Variants in CD8A observed in about 807,000 individuals in gnomAD.
The protein encoded by CD8A is CD8 subunit alpha.
In CD8A, 25 loss-of-function variants were observed where a neutral mutation model predicts 24.2. The observed-to-expected ratio is 1.03, with a 90% CI of 0.75 to 1.44. The LOEUF (loss-of-function observed/expected upper bound fraction) is 1.44. Ranked by LOEUF, CD8A falls within the 40% of genes most tolerant of loss-of-function variation. The pLI is 0.00. For missense variants in CD8A, 360 were observed against 319.7 expected (o/e 1.13, Z -0.96); for synonymous variants, 165 against 149.9 (o/e 1.10, Z -0.74).
At chr2:86,797,307 C>A (rs1421308753) in intron 3 of CD8A, among the ~76,000 whole-genome samples, 1 of 151,984 alleles carries the variant, frequency 6.6e-6, no homozygotes, top group Non-Finnish European at 1.5e-5. Flanking sequence ...GTATATGGAA[C>A]CTTCAGGGAA....
At chr2:86,789,117 C>A (rs998785528) in intron 4 of CD8A, among the ~76,000 whole-genome samples, 3 of 152,212 alleles carry the variant, frequency 2.0e-5, no homozygotes, top group African/African-American at 7.2e-5. Context: ...GGCTTTGTCT[C>A]CCAAAACCTC....
At chr2:86,808,156 GAC>G (rs1331342761) in exon 1 of CD8A, 1 of 152,366 alleles carries the variant, frequency 6.6e-6, no homozygotes, top group Non-Finnish European at 1.5e-5. Context: ...GGAGACGGCC[GAC>G]ACGTTTCCCA....
rs1558734938 is a variant in CD8A at position 86,789,435 on chromosome 2, T to C, written c.515-2A>G. On this transcript the variant is annotated splice_acceptor_variant, in intron 3 of 5. Coordinates refer to ENST00000283635, the MANE Select transcript of CD8A (RefSeq NM_001768.7). LOFTEE classifies it high-confidence loss of function. Reference sequence around the variant, plus strand: ...CGAAGTCCAGCCCCCTCGTGTGCACTGACGACACCAAAGACGCCGACATTT... The same window carrying C: ...CGAAGTCCAGCCCCCTCGTGTGCACCGACGACACCAAAGACGCCGACATTT... 1 of 1,608,544 alleles carries C rather than the reference T, an allele frequency of 6.2e-7. No homozygotes were observed. The highest frequency in any genetic ancestry group is 1.1e-5 in the South Asian group (1 of 90,970).
intron 2 of CD8A, among the ~76,000 whole-genome samples, chr2:86,807,171 A>AAAAT (rs1558741676): frequency 9.2e-5 from 14 of 151,454 alleles, no homozygotes; most frequent in African/African-American, 1.2e-4. Context: ...TAAAATAAAA[A>AAAAT]AAAAAGCCAG....
At chr2:86,787,661 T>C (rs1001729504) in intron 5 of CD8A, among the ~76,000 whole-genome samples, 1 of 152,212 alleles carries the variant, frequency 6.6e-6, no homozygotes, top group African/African-American at 2.4e-5. Context: ...TAACGTGCGT[T>C]GTAGGCTTTC....
rs752636744 is a variant in CD8A, at chr2:86,790,671, C to T, written c.60G>A (p.Arg20=). 6.3e-7 allele frequency: 1 copy of T among 1,597,642 alleles called. No individual in the cohort carries two copies. The highest frequency in any genetic ancestry group is 1.1e-5 in the South Asian group (1 of 90,824). Residue 20 remains arginine (R), a synonymous_variant, in exon 2 of 6, where the codon AGG becomes AGA. Transcript: ENST00000283635. The part of the protein sequence containing the change: ...LPLALLLHAA[R]PSQFRVSPLD... Reference sequence around the variant, plus strand: ...GCGGCGACACCCGGAACTGGCTCGGCCTGGCGGCGTCTGCAGGCGGCAAGC... The same window carrying T: ...GCGGCGACACCCGGAACTGGCTCGGTCTGGCGGCGTCTGCAGGCGGCAAGC...
intron 1 of CD8A, chr2:86,807,996 T>C (rs969275567): frequency 6.6e-6 from 1 of 152,258 alleles, no homozygotes; most frequent in African/African-American, 2.4e-5. Flanking sequence ...AGTAAGGCGG[T>C]GGATCTTGCA....
chr2:86,803,719 T>C (rs949995770), intron 2 of CD8A, among the ~76,000 whole-genome samples: 2 of 152,224 alleles, frequency 1.3e-5, no homozygotes, highest in African/African-American at 4.8e-5. Flanking sequence ...ACCTGGCTAA[T>C]TGTATTTTTA....
upstream of CD8A, among the ~76,000 whole-genome samples, chr2:86,795,237 C>T (rs2104449742): frequency 6.6e-6 from 1 of 152,312 alleles, no homozygotes; most frequent in South Asian, 2.1e-4. Context: ...GAAATTCTTG[C>T]TCAGTAAAAG....
Position 86,789,745 on chromosome 2 carries a change from G to A in CD8A, c.409C>T (p.Pro137Ser). 5 of 1,359,890 alleles carry A rather than the reference G, an allele frequency of 3.7e-6. No homozygotes were observed. Among genetic ancestry groups the A allele is most frequent in the Non-Finnish European group, 3.8e-6 (4 of 1,063,858 alleles). The allele number at this position is 1,359,890 out of a possible 1,614,324, so 84.2% of individuals were successfully genotyped here. Residue 137 changes from proline to serine, a missense_variant, in exon 3 of 6, where the codon CCC becomes TCC. Transcript: ENST00000283635. ...GGTCGCGGCGCTGGCGTCGTGGTGG[G>A]CTTCGCTGCAAGAGCAACAGAGCGT... Reference protein sequence around the residue: ...HFVPVFLPAKPTTTPAPRPPT... With the variant: ...HFVPVFLPAKSTTTPAPRPPT...
At chr2:86,793,018 C>A (rs1027955026), upstream of CD8A, among the ~76,000 whole-genome samples, 1 of 152,194 alleles carries the variant, frequency 6.6e-6, no homozygotes, top group Non-Finnish European at 1.5e-5. Context: ...CTGCTCCCCA[C>A]AGAAAACCAC....
intron 3 of CD8A, among the ~76,000 whole-genome samples, chr2:86,798,471 G>A (rs570114522): frequency 9.3e-5 from 14 of 150,950 alleles, no homozygotes; most frequent in Admixed American, 7.9e-4. Context: ...CACTGTGCCC[G>A]GCCAGAAACA....
At position 86,785,695 on chromosome 2, in the gene CD8A, G is replaced by A. The variant is rs1162884254; in HGVS notation, c.*225C>T. 4 of 700,222 alleles carry A rather than the reference G, an allele frequency of 5.7e-6. No homozygotes were observed. The highest frequency in any genetic ancestry group is 2.7e-5 in the East Asian group (1 of 37,106). The allele number at this position is 700,222 out of a possible 1,614,324, so 43.4% of individuals were successfully genotyped here. On this transcript the variant is annotated 3_prime_UTR_variant, in exon 6 of 6. Coordinates refer to ENST00000283635, the MANE Select transcript of CD8A (RefSeq NM_001768.7). The stretch of plus-strand genomic sequence containing the variant: ...CTTTCCACGCCCTACCGCGATGTGC[G>A]CACAACAGTATTGTGACCCTTGTGG...
At chr2:86,790,726 C>T in intron 1 of CD8A, 45 bp from the exon 2 acceptor site, 1 of 1,516,146 alleles carries the variant, frequency 6.6e-7, no homozygotes, top group South Asian at 1.2e-5. Context: ...TCCCGCGCCC[C>T]CCGCCCCCCG....
Position 86,789,735 on chromosome 2 carries a change from G to A in CD8A, c.419C>T (p.Thr140Met). The change falls in exon 3 of 6, where the codon ACG becomes ATG. Residue 140 changes from threonine to methionine, a missense_variant. Transcript: ENST00000283635. ...CGGTGTTGGTGGTCGCGGCGCTGGCGTCGTGGTGGGCTTCGCTGCAAGAGC... is the reference window on the plus strand; with the variant it reads ...CGGTGTTGGTGGTCGCGGCGCTGGCATCGTGGTGGGCTTCGCTGCAAGAGC... Reference protein sequence around the residue: ...PVFLPAKPTTTPAPRPPTPAP... With the variant: ...PVFLPAKPTTMPAPRPPTPAP... The A allele has an allele frequency of 7.3e-7, 1 of 1,364,794 alleles. No homozygotes were observed. The highest frequency in any genetic ancestry group is 2.0e-5 in the South Asian group (1 of 51,042). 84.5% of individuals were successfully genotyped at this position (1,364,794 alleles called of 1,614,324 possible).
chr2:86,794,622 C>G (rs34198915), upstream of CD8A, among the ~76,000 whole-genome samples: 1 of 152,124 alleles, frequency 6.6e-6, no homozygotes, highest in African/African-American at 2.4e-5. Flanking sequence ...TGCTGTCCTT[C>G]TTTCCTGGAC....
Position 86,785,615 on chromosome 2 carries a change from C to T in CD8A, c.*305G>A, listed in dbSNP as rs1452493878. 5 of 601,656 alleles carry T rather than the reference C, an allele frequency of 8.3e-6. No homozygotes were observed. The highest frequency in any genetic ancestry group is 1.6e-5 in the Non-Finnish European group (5 of 321,886). The allele number at this position is 601,656 out of a possible 1,614,324, so 37.3% of individuals were successfully genotyped here. A position where few individuals can be genotyped will look rare whatever the true frequency, so the allele number is the denominator to read the frequency against. ...GGAAGAGGTTGAGATGGCATGGGTGCCTCCAGCTCTCTCAGCATGATTCTG... is the reference window on the plus strand; with the variant it reads ...GGAAGAGGTTGAGATGGCATGGGTGTCTCCAGCTCTCTCAGCATGATTCTG... On this transcript the variant is annotated 3_prime_UTR_variant, in exon 6 of 6. Transcript: ENST00000283635.
At position 86,785,478 on chromosome 2, in the gene CD8A, G is replaced by A. The variant is rs887161899; in HGVS notation, c.*442C>T. ...AGACCTGAATGGTGTGGAGGAAAGAGCCCTGAGCTGGGAGACAAGGTCCCT... is the reference window on the plus strand; with the variant it reads ...AGACCTGAATGGTGTGGAGGAAAGAACCCTGAGCTGGGAGACAAGGTCCCT... On this transcript the variant is annotated 3_prime_UTR_variant, in exon 6 of 6. Coordinates refer to ENST00000283635, the MANE Select transcript of CD8A (RefSeq NM_001768.7). 1 of 457,698 alleles carries A rather than the reference G, an allele frequency of 2.2e-6. No individual in the cohort carries two copies. The allele number at this position is 457,698 out of a possible 1,614,324, so 28.4% of individuals were successfully genotyped here.
intron 5 of CD8A, among the ~76,000 whole-genome samples, chr2:86,787,926 T>TGTGTGA (rs1352710921): frequency 2.6e-5 from 4 of 151,768 alleles, no homozygotes; most frequent in African/African-American, 9.7e-5. Flanking sequence ...TGTGTGTGTG[T>TGTGTGA]GATCATGGGC....
Sources: allele counts gnomAD v4.1 joint callset (sites outside exome capture counted in the v4.1 genomes callset), GRCh38; gene constraint gnomAD v4.1.1; transcripts MANE v1.5; gene names NCBI Gene and HGNC (gene_info 2026-07-23, HGNC 2026-07-21).